Variants in SKAP1 observed in about 807,000 individuals in gnomAD.
The protein encoded by SKAP1 is src kinase associated phosphoprotein 1.
SKAP1 carries 44 observed loss-of-function variants against 58.5 expected under a neutral mutation model. That is an observed-to-expected ratio of 0.75 (90% CI 0.59 to 0.97). SKAP1 has a LOEUF of 0.97. Among genes scored for constraint, SKAP1 ranks in the 50% least tolerant of loss-of-function variants. The pLI is 0.00. For synonymous variants in SKAP1, 127 were observed against 149.7 expected, an observed-to-expected ratio of 0.85 and a Z score of 1.11; for missense variants, 390 against 435.2, an observed-to-expected ratio of 0.90 and a Z score of 0.92.
upstream of SKAP1, among the ~76,000 whole-genome samples, chr17:48,432,627 C>T (rs180793880): frequency 6.6e-6 from 1 of 152,252 alleles, no homozygotes; most frequent in East Asian, 1.9e-4. Context: ...TGGGAACTGT[C>T]TGTGCTATCA....
At chr17:48,165,245 G>A (rs916815415) in intron 10 of SKAP1, among the ~76,000 whole-genome samples, 4 of 152,132 alleles carry the variant, frequency 2.6e-5, no homozygotes. Context: ...TTGGAGGAGG[G>A]CTTCATTCCT....
rs530641161 is a variant in SKAP1 at position 48,362,205 on chromosome 17, C to T, written c.178+1584G>A. On this transcript the variant is annotated intron_variant, in intron 3 of 12. Coordinates refer to ENST00000336915, the MANE Select transcript of SKAP1 (RefSeq NM_003726.4). ...CCAAGAGAGAAAGGATGGGTAGAAG[C>T]TGCTTTATGTTGAAAGATGACTGCA... 4.6e-5 allele frequency among the ~76,000 whole-genome samples: 7 copies of T among 152,328 alleles called. No homozygotes were observed. In the East Asian group the frequency reaches 1.3e-3, roughly 29 times the overall value.
chr17:48,263,417 C>A (rs1027392093), intron 4 of SKAP1, among the ~76,000 whole-genome samples: 1 of 152,124 alleles, frequency 6.6e-6, no homozygotes, highest in African/African-American at 2.4e-5. Context: ...AACATTGGGT[C>A]TCTTTATAAA....
chr17:48,342,748 G>T (rs1386653186), intron 4 of SKAP1, among the ~76,000 whole-genome samples: 1 of 152,162 alleles, frequency 6.6e-6, no homozygotes, highest in Non-Finnish European at 1.5e-5. Flanking sequence ...ATATCTGGGA[G>T]GCCAAGGCGG....
chr17:48,404,097 A>AG (rs2067538238), intron 1 of SKAP1, among the ~76,000 whole-genome samples: 1 of 149,476 alleles, frequency 6.7e-6, no homozygotes, highest in Non-Finnish European at 1.5e-5. Flanking sequence ...TCGGAAAAAA[A>AG]AAAAAAAAAT....
chr17:48,186,288 T>C (rs1466691966), intron 6 of SKAP1, among the ~76,000 whole-genome samples: 1 of 152,076 alleles, frequency 6.6e-6, no homozygotes, highest in Non-Finnish European at 1.5e-5. Flanking sequence ...ACTATGCTGT[T>C]ATCCTTCCCA....
At chr17:48,235,989 G>A (rs1347239998) in intron 4 of SKAP1, among the ~76,000 whole-genome samples, 1 of 152,152 alleles carries the variant, frequency 6.6e-6, no homozygotes, top group African/African-American at 2.4e-5. Context: ...GGGTGGAGTG[G>A]CAGACACAAT....
chr17:48,161,927 CA>C (rs201792194), intron 11 of SKAP1, among the ~76,000 whole-genome samples: 2,017 of 151,982 alleles, frequency 0.013, 20 homozygotes, highest in Middle Eastern at 0.068. Context: ...GGTATAATAC[CA>C]ATTTTATTGC....
At chr17:48,342,781 C>T (rs1329584559) in intron 4 of SKAP1, among the ~76,000 whole-genome samples, 1 of 152,044 alleles carries the variant, frequency 6.6e-6, no homozygotes, top group African/African-American at 2.4e-5. Flanking sequence ...GTCAGGAGAT[C>T]GAGACCATCC....
At chr17:48,139,385 G>T (rs537813287) in intron 11 of SKAP1, among the ~76,000 whole-genome samples, 1 of 151,990 alleles carries the variant, frequency 6.6e-6, no homozygotes, top group African/African-American at 2.4e-5. Context: ...GTTTCACCAT[G>T]TTGGCCAGGC....
intron 1 of SKAP1, among the ~76,000 whole-genome samples, chr17:48,406,009 G>A (rs1034453182): frequency 6.6e-6 from 1 of 151,214 alleles, no homozygotes; most frequent in African/African-American, 2.4e-5. Flanking sequence ...GCTCACACCT[G>A]TAATCCCAGC....
intron 4 of SKAP1, among the ~76,000 whole-genome samples, chr17:48,244,132 A>G (rs1012311035): frequency 6.6e-6 from 1 of 152,230 alleles, no homozygotes; most frequent in African/African-American, 2.4e-5. Context: ...ACCAGAGCTA[A>G]TGTGGTTCTG....
At chr17:48,402,529 C>G (rs929970609) in intron 1 of SKAP1, among the ~76,000 whole-genome samples, 3 of 152,082 alleles carry the variant, frequency 2.0e-5, no homozygotes, top group Non-Finnish European at 4.4e-5. Flanking sequence ...GGGGTTTCAT[C>G]ACTTCGCCCA....
At chr17:48,243,926 T>G (rs1199304022) in intron 4 of SKAP1, among the ~76,000 whole-genome samples, 1 of 152,134 alleles carries the variant, frequency 6.6e-6, no homozygotes, top group Non-Finnish European at 1.5e-5. Flanking sequence ...CACCTGTTGG[T>G]TTTAAATGTC....
At chr17:48,179,971 G>A (rs2064345683) in intron 9 of SKAP1, 83 bp downstream of exon 9, 2 of 1,333,734 alleles carry the variant, frequency 1.5e-6, no homozygotes, top group Non-Finnish European at 2.0e-6. Flanking sequence ...GGCTTCCTTT[G>A]GAATTTTCAA....
At chr17:48,246,894 T>A (rs955154706) in intron 4 of SKAP1, among the ~76,000 whole-genome samples, 1 of 152,210 alleles carries the variant, frequency 6.6e-6, no homozygotes, top group Admixed American at 6.5e-5. Flanking sequence ...CTGGAATGCT[T>A]AGAACAGTCT....
intron 4 of SKAP1, among the ~76,000 whole-genome samples, chr17:48,198,491 A>G (rs1374610920): frequency 7.0e-6 from 1 of 142,260 alleles, no homozygotes; most frequent in African/African-American, 2.5e-5. Context: ...ATGGGTTTTA[A>G]GTTTTTCTAT....
chr17:48,384,884 A>C (rs2067257470), intron 2 of SKAP1, among the ~76,000 whole-genome samples: 2 of 152,202 alleles, frequency 1.3e-5, no homozygotes, highest in Non-Finnish European at 2.9e-5. Context: ...TCTCCCATGC[A>C]CAGGGGAAGC....
At chr17:48,253,748 G>C (rs2065393431) in intron 4 of SKAP1, among the ~76,000 whole-genome samples, 1 of 152,112 alleles carries the variant, frequency 6.6e-6, no homozygotes, top group Non-Finnish European at 1.5e-5. Flanking sequence ...GAGATCAAGA[G>C]ATGCTCTGGC....
Sources: allele counts gnomAD v4.1 joint callset (sites outside exome capture counted in the v4.1 genomes callset), GRCh38; gene constraint gnomAD v4.1.1; transcripts MANE v1.5; gene names NCBI Gene and HGNC (gene_info 2026-07-23, HGNC 2026-07-21).